The following HP1BP3 variants were observed in gnomAD, a reference collection of about 807,000 sequenced individuals.
The protein encoded by HP1BP3 is heterochromatin protein 1-binding protein 3.
Under a neutral mutation model 62.5 loss-of-function variants are expected in HP1BP3, and 12 were observed. The ratio of observed to expected loss-of-function variants is 0.19; its 90% CI spans 0.12 to 0.31. The LOEUF is 0.31. Ranked by LOEUF, HP1BP3 falls within the 10% of genes least tolerant of loss-of-function variation. The pLI is 1.00. For missense variants in HP1BP3, 502 were observed against 651.8 expected (o/e 0.77, Z 2.50); for synonymous variants, 260 against 237.8 (o/e 1.09, Z -0.86).
At chr1:20,760,759 C>T (rs533138532) in intron 8 of HP1BP3, among the ~76,000 whole-genome samples, 24 of 152,204 alleles carry the variant, frequency 1.6e-4, no homozygotes, top group African/African-American at 4.6e-4. Flanking sequence ...TCGCTTGAAC[C>T]GAGGAGGCGG....
chr1:20,758,467 C>T (rs962851540), intron 8 of HP1BP3, among the ~76,000 whole-genome samples: 2 of 152,008 alleles, frequency 1.3e-5, no homozygotes, highest in African/African-American at 2.4e-5. Context: ...CTGCCTCAGC[C>T]TCCTAAGTAG....
At chr1:20,747,355 A>G (rs1157179825) in intron 11 of HP1BP3, among the ~76,000 whole-genome samples, 189 bp downstream of exon 11, 1 of 152,154 alleles carries the variant, frequency 6.6e-6, no homozygotes, top group African/African-American at 2.4e-5. Context: ...TTTCAGATAC[A>G]TGGATTCCAC....
chr1:20,760,469 A>G (rs2056401796), intron 8 of HP1BP3, among the ~76,000 whole-genome samples: 1 of 151,894 alleles, frequency 6.6e-6, no homozygotes, highest in Non-Finnish European at 1.5e-5. Context: ...TGAGCCTAGG[A>G]GTTCGAGGTT....
chr1:20,745,715 T>G (rs2055275794), intron 11 of HP1BP3, 59 bp from the exon 12 acceptor site: 1 of 1,567,606 alleles, frequency 6.4e-7, no homozygotes, highest in East Asian at 2.2e-5. Flanking sequence ...AAAAATAATG[T>G]GAACCTAGAT....
Position 20,787,212 on chromosome 1 carries a change from C to T in HP1BP3, c.-118G>A, listed in dbSNP as rs2057887086. 1 of 152,168 alleles carries T rather than the reference C, an allele frequency of 6.6e-6. No individual in the cohort carries two copies. Among genetic ancestry groups the T allele is most frequent in the Admixed American group, 6.6e-5 (1 of 15,226 alleles). The allele number at this position is 152,168 out of a possible 1,614,324, so 9.4% of individuals were successfully genotyped here. A position where few individuals can be genotyped will look rare whatever the true frequency, so the allele number is the denominator to read the frequency against. ...TGCGTTACCTCTGCGTTCGGCCGGT[C>T]CTGGCGCCCGCGTCCCGCACGGCCT... On this transcript the variant is annotated 5_prime_UTR_variant, in exon 1 of 13. Coordinates refer to ENST00000438032, the MANE Select transcript of HP1BP3 (RefSeq NM_001372052.1).
intron 1 of HP1BP3, chr1:20,786,439 AG>A (rs1399584538): frequency 6.6e-6 from 1 of 152,308 alleles, no homozygotes. Context: ...GAGGCGAGGT[AG>A]CTACAGGCCA....
intron 9 of HP1BP3, among the ~76,000 whole-genome samples, chr1:20,751,170 G>C (rs1211735284): frequency 6.6e-6 from 1 of 151,766 alleles, no homozygotes; most frequent in Non-Finnish European, 1.5e-5. Context: ...TCTCTAGCTT[G>C]CTTTATTATA....
At chr1:20,778,981 G>A (rs2057424012) in intron 3 of HP1BP3, among the ~76,000 whole-genome samples, 1 of 151,944 alleles carries the variant, frequency 6.6e-6, no homozygotes, top group Admixed American at 6.6e-5. Context: ...GTAGAGATGG[G>A]GTTTCACCAT....
chr1:20,777,561 C>A (rs2057358791), intron 3 of HP1BP3, among the ~76,000 whole-genome samples: 1 of 152,036 alleles, frequency 6.6e-6, no homozygotes, highest in African/African-American at 2.4e-5. Context: ...CAGGTTCAAG[C>A]GATTCTCCTG....
chr1:20,776,098 T>C, intron 4 of HP1BP3: 1 of 1,122,338 alleles, frequency 8.9e-7, no homozygotes, highest in Non-Finnish European at 1.2e-6. Context: ...ACTTTCAGAT[T>C]CTCAAAGCCA....
Position 20,765,683 on chromosome 1 carries a change from T to C in HP1BP3, c.736-152A>G, listed in dbSNP as rs1310991774. The C allele has an allele frequency of 4.7e-6, 3 of 637,174 alleles. No homozygotes were observed. In the East Asian group the frequency reaches 9.0e-5, roughly 19 times the overall value. The allele number at this position is 637,174 out of a possible 1,614,324, so 39.5% of individuals were successfully genotyped here. A position where few individuals can be genotyped will look rare whatever the true frequency, so the allele number is the denominator to read the frequency against. ...TTCAATGGACAGCATTAAAAATACA[T>C]ATAAAAGCTGGGTGTGGTGGCTCAC... is the stretch of plus-strand genomic sequence containing the variant. On this transcript the variant is annotated intron_variant, in intron 7 of 12. Coordinates refer to ENST00000438032, the MANE Select transcript of HP1BP3 (RefSeq NM_001372052.1).
chr1:20,745,788 C>G (rs750103419), intron 11 of HP1BP3, 132 bp from the exon 12 acceptor site: 1 of 820,398 alleles, frequency 1.2e-6, no homozygotes, highest in South Asian at 2.0e-5. Context: ...CTAGGTTACA[C>G]GTATCAGGTT....
intron 6 of HP1BP3, among the ~76,000 whole-genome samples, chr1:20,768,548 A>C (rs1431430952): frequency 6.6e-6 from 1 of 152,164 alleles, no homozygotes; most frequent in African/African-American, 2.4e-5. Flanking sequence ...TTTAAAGTTG[A>C]TTCACAATAG....
chr1:20,758,526 T>C (rs767755791), intron 8 of HP1BP3, among the ~76,000 whole-genome samples: 29 of 152,154 alleles, frequency 1.9e-4, no homozygotes, highest in Non-Finnish European at 4.1e-4. Context: ...TTTTGTACTT[T>C]TAGTAAAGAC....
chr1:20,776,531 CAATCT>C (rs1179211811), intron 4 of HP1BP3, 61 bp downstream of exon 4: 13 of 1,389,582 alleles, frequency 9.4e-6, no homozygotes, highest in South Asian at 1.3e-5. Context: ...CACTTTAAAA[CAATCT>C]AATCTAAAGT....
chr1:20,744,726 A>G lies in HP1BP3; in HGVS notation c.*71T>C. 1 of 1,364,218 alleles carries G rather than the reference A, an allele frequency of 7.3e-7. No homozygotes were observed. Among genetic ancestry groups the G allele is most frequent in the African/African-American group, 1.5e-5 (1 of 68,852 alleles). The allele number at this position is 1,364,218 out of a possible 1,614,324, so 84.5% of individuals were successfully genotyped here. ...ATGTAATTTGAAAAGCATCAAAACT[A>G]AACAAATGCACACTGACCTTAGAAA... On this transcript the variant is annotated 3_prime_UTR_variant, in exon 13 of 13. Coordinates refer to ENST00000438032, the MANE Select transcript of HP1BP3 (RefSeq NM_001372052.1).
intron 3 of HP1BP3, 105 bp from the exon 4 acceptor site, chr1:20,776,855 T>A: frequency 1.1e-6 from 1 of 915,144 alleles, no homozygotes; most frequent in Non-Finnish European, 1.6e-6. Context: ...AGTCTCCAAT[T>A]AACAAATGAA....
intron 9 of HP1BP3, among the ~76,000 whole-genome samples, chr1:20,752,745 C>A (rs2055853537): frequency 6.6e-6 from 1 of 152,172 alleles, no homozygotes; most frequent in South Asian, 2.1e-4. Flanking sequence ...CACGAATTCA[C>A]TTAGAATGCC....
At chr1:20,786,811 G>A (rs1324695336) in intron 1 of HP1BP3, 3 of 152,494 alleles carry the variant, frequency 2.0e-5, no homozygotes, top group African/African-American at 7.2e-5. Context: ...GGCGGGCCTC[G>A]GAGCATGCGC....
Sources: gnomAD v4.1 joint callset for allele counts (sites outside exome capture counted in the v4.1 genomes callset) on GRCh38, gnomAD v4.1.1 for gene constraint, MANE v1.5 for transcripts, NCBI Gene and HGNC (gene_info 2026-07-23, HGNC 2026-07-21) for gene names.